MCC: variants seen among roughly 807,000 people sequenced by gnomAD.
MCC encodes the protein colorectal mutant cancer protein.
MCC carries 90 observed loss-of-function variants against 116.2 expected under a neutral mutation model. The ratio of observed to expected loss-of-function variants is 0.77; its 90% confidence interval spans 0.65 to 0.92. The LOEUF is 0.92. Ranked by LOEUF, MCC falls within the 40% of genes least tolerant of loss-of-function variation. The probability of loss-of-function intolerance (pLI) is 0.00; values close to 1 mark genes in which losing one functional copy is unlikely to be tolerated. For missense variants in MCC, 1,516 were observed against 1,312.2 expected (o/e 1.16, Z -2.40); for synonymous variants, 578 against 510.5 (o/e 1.13, Z -1.78).
At chr5:113,068,738 C>T (rs963944751) in intron 12 of MCC, among the ~76,000 whole-genome samples, 7 of 152,250 alleles carry the variant, frequency 4.6e-5, no homozygotes, top group Admixed American at 1.3e-4. Context: ...GAGAGGTCCA[C>T]ATGGTGAGTA....
intron 1 of MCC, among the ~76,000 whole-genome samples, chr5:113,389,660 T>C (rs959324908): frequency 1.3e-5 from 2 of 152,152 alleles, no homozygotes; most frequent in African/African-American, 2.4e-5. Flanking sequence ...CTTCCCAATA[T>C]GACCATGAGC....
intron 1 of MCC, among the ~76,000 whole-genome samples, chr5:113,389,155 T>G (rs1010186575): frequency 3.3e-5 from 5 of 152,224 alleles, no homozygotes; most frequent in African/African-American, 1.2e-4. Flanking sequence ...AAGAAAATTA[T>G]AAAAGCTCTC....
At chr5:113,210,571 C>T (rs552139987) in intron 3 of MCC, among the ~76,000 whole-genome samples, 5 of 152,048 alleles carry the variant, frequency 3.3e-5, no homozygotes, top group African/African-American at 4.8e-5. Flanking sequence ...AAATCTAGGT[C>T]GCATTTGCAG....
At position 113,025,206 on chromosome 5, in the gene MCC, C is replaced by A; in HGVS notation, c.*2096G>T. 2.0e-5 allele frequency: 3 copies of A among 151,166 alleles called. No homozygotes were observed. Among genetic ancestry groups the A allele is most frequent in the Middle Eastern group, 7.0e-3 (2 of 284 alleles). The allele number at this position is 151,166 out of a possible 1,614,324, so 9.4% of individuals were successfully genotyped here. A position where few individuals can be genotyped will look rare whatever the true frequency, so the allele number is the denominator to read the frequency against. ...ACATCCCACTTTGCTCAGGGGAGGA[C>A]GTTTCCCTAGGCAAGCTGGAAAAAT... is the stretch of plus-strand genomic sequence containing the variant. On this transcript the variant is annotated 3_prime_UTR_variant, in exon 19 of 19. Transcript: ENST00000408903.
chr5:113,272,805 C>G (rs1179194961), intron 3 of MCC, among the ~76,000 whole-genome samples: 1 of 152,196 alleles, frequency 6.6e-6, no homozygotes, highest in African/African-American at 2.4e-5. Context: ...TGGGACATTA[C>G]TCTGCTATCG....
intron 17 of MCC, among the ~76,000 whole-genome samples, chr5:113,043,270 A>G (rs1751847011): frequency 6.6e-6 from 1 of 152,252 alleles, no homozygotes; most frequent in African/African-American, 2.4e-5. Flanking sequence ...ATGCAACAAC[A>G]TAACAGAAAA....
intron 3 of MCC, among the ~76,000 whole-genome samples, chr5:113,153,629 C>A (rs1377049232): frequency 6.6e-6 from 1 of 152,172 alleles, no homozygotes; most frequent in Non-Finnish European, 1.5e-5. Flanking sequence ...TGCAATGGAC[C>A]CTTCTACTAG....
chr5:113,467,702 T>C (rs1305052760), intron 1 of MCC, among the ~76,000 whole-genome samples: 1 of 152,206 alleles, frequency 6.6e-6, no homozygotes, highest in Admixed American at 6.5e-5. Flanking sequence ...TTAAAGTAGT[T>C]TTTTCCAATT....
chr5:113,209,534 AC>A (rs1763044197), intron 3 of MCC, among the ~76,000 whole-genome samples: 2 of 152,206 alleles, frequency 1.3e-5, no homozygotes, highest in Non-Finnish European at 2.9e-5. Context: ...TGGATATGGG[AC>A]GACTTTTATG....
chr5:113,153,432 G>A (rs1365292192), intron 3 of MCC, among the ~76,000 whole-genome samples: 2 of 152,266 alleles, frequency 1.3e-5, no homozygotes, highest in African/African-American at 4.8e-5. Flanking sequence ...CTTGGAAGAG[G>A]GGTCCAGGAT....
chr5:113,066,940 A>G (rs762307076), intron 13 of MCC, among the ~76,000 whole-genome samples: 2 of 152,168 alleles, frequency 1.3e-5, no homozygotes, highest in Non-Finnish European at 2.9e-5. Flanking sequence ...CCGAAGGCTA[A>G]GGGGGTGTCC....
chr5:113,410,923 A>G (rs913911334), intron 1 of MCC, among the ~76,000 whole-genome samples: 7 of 152,202 alleles, frequency 4.6e-5, no homozygotes, highest in African/African-American at 1.7e-4. Context: ...ATGTCCCTGC[A>G]TAGGACATGA....
intron 3 of MCC, among the ~76,000 whole-genome samples, chr5:113,224,808 T>A (rs530083352): frequency 9.2e-5 from 14 of 152,228 alleles, no homozygotes; most frequent in Non-Finnish European, 2.1e-4. Context: ...TTCACACTCC[T>A]GTTCGCAAAA....
At chr5:113,356,370 T>C (rs868835199) in intron 2 of MCC, among the ~76,000 whole-genome samples, 1 of 148,354 alleles carries the variant, frequency 6.7e-6, no homozygotes. Context: ...TATATTCTAA[T>C]AGATAATATT....
At chr5:113,109,929 A>C (rs1169037233) in intron 6 of MCC, among the ~76,000 whole-genome samples, 2 of 152,210 alleles carry the variant, frequency 1.3e-5, no homozygotes, top group African/African-American at 2.4e-5. Flanking sequence ...CAGCTGAGGC[A>C]GGCCCACTGG....
intron 3 of MCC, among the ~76,000 whole-genome samples, chr5:113,158,586 G>C (rs1404268270): frequency 6.6e-6 from 1 of 152,070 alleles, no homozygotes; most frequent in Non-Finnish European, 1.5e-5. Flanking sequence ...TTGGTATCAG[G>C]GGCTTGGGCT....
chr5:113,090,564 C>T lies in MCC; in HGVS notation c.1399-5254G>A, dbSNP rs565610820. On this transcript the variant is annotated intron_variant, in intron 8 of 18. Transcript: ENST00000408903. ...AACAAAATTTGGACACGTTCCTCAA[C>T]GGCCAAGTGAAAAGAAGAGCACTGA... Among the ~76,000 whole-genome samples the T allele has an allele frequency of 6.6e-5, 10 of 152,252 alleles. No individual in the cohort carries two copies. The South Asian group carries it at 1.7e-3, about 25-fold the overall frequency.
intron 2 of MCC, among the ~76,000 whole-genome samples, chr5:113,348,056 C>G (rs969456284): frequency 3.9e-5 from 6 of 152,016 alleles, no homozygotes; most frequent in African/African-American, 1.4e-4. Flanking sequence ...CAATGAAGCA[C>G]CCAGATATAT....
intron 3 of MCC, among the ~76,000 whole-genome samples, chr5:113,315,704 C>CAA (rs35274366): frequency 0.018 from 1,177 of 63,812 alleles, no homozygotes; most frequent in South Asian, 0.027. Context: ...CCCATCTCTA[C>CAA]AAAAAAAAAA....
Sources: allele counts gnomAD v4.1 joint callset (sites outside exome capture counted in the v4.1 genomes callset), GRCh38; gene constraint gnomAD v4.1.1; transcripts MANE v1.5; gene names NCBI Gene and HGNC (gene_info 2026-07-23, HGNC 2026-07-21).